DOCK3: variants seen among roughly 807,000 people sequenced by gnomAD.
The protein encoded by DOCK3 is dedicator of cytokinesis protein 3.
A neutral mutation model predicts 265.6 loss-of-function variants in DOCK3; 60 were observed. That is an observed-to-expected ratio of 0.23 (90% CI 0.18 to 0.28). The LOEUF (loss-of-function observed/expected upper bound fraction) is 0.28, where lower values mean the gene tolerates loss of function less well. Among genes scored for constraint, DOCK3 ranks in the 10% least tolerant of loss-of-function variants. The pLI is 1.00. For missense variants in DOCK3, 1,981 were observed against 2,594.3 expected, an observed-to-expected ratio of 0.76 and a Z score of 5.14; for synonymous variants, 881 against 938.0, an observed-to-expected ratio of 0.94 and a Z score of 1.11.
intron 27 of DOCK3, among the ~76,000 whole-genome samples, chr3:51,281,274 A>AATATAAATAT (rs1312141308): frequency 8.0e-6 from 1 of 125,694 alleles, no homozygotes; most frequent in African/African-American, 3.0e-5. Flanking sequence ...GATGAGCTAA[A>AATATAAATAT]ATATATATAT....
chr3:51,305,392 T>C (rs1244059645), intron 27 of DOCK3, among the ~76,000 whole-genome samples: 2 of 152,232 alleles, frequency 1.3e-5, no homozygotes, highest in East Asian at 1.9e-4. Flanking sequence ...CTCGTTTGGG[T>C]ACTATTTTCA....
At chr3:50,786,959 T>A (rs2042214870) in intron 2 of DOCK3, 1 of 742,300 alleles carries the variant, frequency 1.3e-6, no homozygotes, top group African/African-American at 1.7e-5. Flanking sequence ...AAATGGCATG[T>A]CTTTCATGTG....
At chr3:51,308,201 T>G (rs1007091100) in intron 27 of DOCK3, among the ~76,000 whole-genome samples, 1 of 151,894 alleles carries the variant, frequency 6.6e-6, no homozygotes, top group African/African-American at 2.4e-5. Flanking sequence ...CAAAACTCAT[T>G]GTTATTATTC....
chr3:51,262,371 C>T (rs1352796651), intron 23 of DOCK3, among the ~76,000 whole-genome samples: 1 of 152,154 alleles, frequency 6.6e-6, no homozygotes, highest in Non-Finnish European at 1.5e-5. Context: ...ATAGCATCAA[C>T]ATCAACAAAA....
At chr3:51,354,267 C>T (rs1388341152) in intron 40 of DOCK3, among the ~76,000 whole-genome samples, 1 of 148,398 alleles carries the variant, frequency 6.7e-6, no homozygotes, top group East Asian at 2.1e-4. Context: ...AGCAATCACT[C>T]CTTGGTAACA....
intron 27 of DOCK3, among the ~76,000 whole-genome samples, chr3:51,295,990 A>G (rs545273822): frequency 6.6e-6 from 1 of 152,292 alleles, no homozygotes; most frequent in Admixed American, 6.5e-5. Context: ...ACAGGCACTG[A>G]CAACTATGCC....
intron 1 of DOCK3, among the ~76,000 whole-genome samples, chr3:50,755,332 T>C (rs1305086122): frequency 6.6e-6 from 1 of 152,250 alleles, no homozygotes; most frequent in Non-Finnish European, 1.5e-5. Flanking sequence ...GTAAGCTTTG[T>C]AAATTTGCCA....
At chr3:51,254,340 T>C (rs984411590) in intron 22 of DOCK3, among the ~76,000 whole-genome samples, 4 of 152,254 alleles carry the variant, frequency 2.6e-5, no homozygotes, top group African/African-American at 9.6e-5. Flanking sequence ...GAATGTATAT[T>C]CTTTTGATTT....
chr3:50,886,410 A>AC (rs1559769683), intron 3 of DOCK3, among the ~76,000 whole-genome samples: 1 of 151,708 alleles, frequency 6.6e-6, no homozygotes, highest in Non-Finnish European at 1.5e-5. Flanking sequence ...TTTTTAAAAA[A>AC]TTTTATTATT....
intron 5 of DOCK3, among the ~76,000 whole-genome samples, chr3:50,966,424 A>G (rs1038637538): frequency 6.7e-6 from 1 of 148,250 alleles, no homozygotes; most frequent in Non-Finnish European, 1.5e-5. Flanking sequence ...TTACATTCCC[A>G]TCTTTAGTGT....
intron 5 of DOCK3, among the ~76,000 whole-genome samples, chr3:51,014,420 G>A (rs944577229): frequency 2.6e-5 from 4 of 152,134 alleles, no homozygotes; most frequent in Admixed American, 6.5e-5. Flanking sequence ...CCATCATTCT[G>A]TATAGTGCTT....
chr3:50,911,594 C>T (rs1194193078), intron 4 of DOCK3, among the ~76,000 whole-genome samples: 1 of 151,964 alleles, frequency 6.6e-6, no homozygotes, highest in African/African-American at 2.4e-5. Context: ...AGTGTGATGC[C>T]TCCAGCTTTG....
chr3:51,295,029 A>G (rs1381444669), intron 27 of DOCK3, among the ~76,000 whole-genome samples: 1 of 152,240 alleles, frequency 6.6e-6, no homozygotes, highest in Non-Finnish European at 1.5e-5. Flanking sequence ...TTATTTGTCA[A>G]TTAAAATAAA....
chr3:51,013,722 T>C (rs2079041650), intron 5 of DOCK3, among the ~76,000 whole-genome samples: 1 of 152,178 alleles, frequency 6.6e-6, no homozygotes, highest in African/African-American at 2.4e-5. Flanking sequence ...GACAGGGACG[T>C]TTAAGTCTGC....
intron 5 of DOCK3, among the ~76,000 whole-genome samples, chr3:51,006,958 C>A (rs1247308054): frequency 6.6e-6 from 1 of 152,094 alleles, no homozygotes; most frequent in Admixed American, 6.5e-5. Context: ...TGAACTCATC[C>A]TTTTTTATGG....
chr3:51,380,945 T>G (rs1350159842), intron 52 of DOCK3, 105 bp from the exon 53 acceptor site: 3 of 1,369,004 alleles, frequency 2.2e-6, no homozygotes, highest in Non-Finnish European at 3.0e-6. Context: ...ATGCTGTTGA[T>G]GAGGGTTAAA....
intron 2 of DOCK3, among the ~76,000 whole-genome samples, chr3:50,805,321 GT>G (rs1320294163): frequency 6.6e-6 from 1 of 152,160 alleles, no homozygotes; most frequent in African/African-American, 2.4e-5. Flanking sequence ...GATGGTACAG[GT>G]TTTCCAGGGG....
intron 12 of DOCK3, among the ~76,000 whole-genome samples, chr3:51,167,249 A>C (rs2086453342): frequency 6.6e-6 from 1 of 152,132 alleles, no homozygotes; most frequent in Non-Finnish European, 1.5e-5. Flanking sequence ...ACCCTTGTCA[A>C]AGACTAGTTC....
chr3:51,235,958 G>A (rs1272386324), intron 19 of DOCK3, among the ~76,000 whole-genome samples: 3 of 152,172 alleles, frequency 2.0e-5, no homozygotes, highest in African/African-American at 7.2e-5. Context: ...CTGAACTTTT[G>A]GGGATACCAG....
Sources: gnomAD v4.1 joint callset for allele counts (sites outside exome capture counted in the v4.1 genomes callset) on GRCh38, gnomAD v4.1.1 for gene constraint, MANE v1.5 for transcripts, NCBI Gene and HGNC (gene_info 2026-07-23, HGNC 2026-07-21) for gene names.